DOCK4: variants seen among roughly 807,000 people sequenced by gnomAD.
DOCK4 encodes dedicator of cytokinesis 4.
In DOCK4, 97 loss-of-function variants were observed where a neutral mutation model predicts 268.1. That is an observed-to-expected ratio of 0.36 (90% CI 0.31 to 0.43). DOCK4 has a LOEUF of 0.43. Among genes scored for constraint, DOCK4 ranks in the 20% least tolerant of loss-of-function variants. DOCK4 has a pLI of 1.00. For missense variants in DOCK4, 2,145 were observed against 2,455.7 expected, an observed-to-expected ratio of 0.87 and a Z score of 2.67; for synonymous variants, 954 against 887.2, an observed-to-expected ratio of 1.08 and a Z score of -1.34.
intron 1 of DOCK4, among the ~76,000 whole-genome samples, chr7:112,025,547 C>T (rs1447229222): frequency 6.6e-6 from 1 of 152,132 alleles, no homozygotes; most frequent in Non-Finnish European, 1.5e-5. Flanking sequence ...TAGCTCCTGC[C>T]TCTCAGCCCC....
intron 41 of DOCK4, among the ~76,000 whole-genome samples, chr7:111,757,024 T>A (rs1290873926): frequency 1.3e-5 from 2 of 151,028 alleles, no homozygotes; most frequent in Non-Finnish European, 3.0e-5. Context: ...TGAGTAGGAG[T>A]TTGCCAGGAG....
At chr7:111,733,865 C>G (rs1045730379) in intron 51 of DOCK4, among the ~76,000 whole-genome samples, 1 of 152,090 alleles carries the variant, frequency 6.6e-6, no homozygotes, top group Non-Finnish European at 1.5e-5. Flanking sequence ...TCTTTGAAGA[C>G]CTCATATGTC....
chr7:111,975,601 G>C (rs756213620), intron 8 of DOCK4, among the ~76,000 whole-genome samples: 1 of 152,088 alleles, frequency 6.6e-6, no homozygotes, highest in African/African-American at 2.4e-5. Flanking sequence ...AGTGTAGAAA[G>C]TAGATTCTAA....
chr7:112,085,831 C>A (rs904225319), intron 1 of DOCK4, among the ~76,000 whole-genome samples: 1 of 151,836 alleles, frequency 6.6e-6, no homozygotes, highest in Admixed American at 6.6e-5. Flanking sequence ...CACAGGCAGA[C>A]AACAAGTCTC....
chr7:111,933,099 CAT>C lies in DOCK4; in HGVS notation c.1066+2439_1066+2440del, dbSNP rs373606874. ...ATACACATATATATACGTATATACA[CAT>C]ATATATACGTATATACACATATATA... On this transcript the variant is annotated intron_variant, in intron 12 of 52. Transcript: ENST00000428084. 1.0e-4 allele frequency among the ~76,000 whole-genome samples: 14 copies of C among 137,172 alleles called. No individual in the cohort carries two copies. In the East Asian group the frequency reaches 1.3e-3, roughly 13 times the overall value. The allele number at this position is 137,172 out of a possible 152,430, so 90.0% of individuals were successfully genotyped here. A position where few individuals can be genotyped will look rare whatever the true frequency, so the allele number is the denominator to read the frequency against.
At chr7:111,928,634 C>T (rs1424079481) in intron 12 of DOCK4, among the ~76,000 whole-genome samples, 6 of 146,460 alleles carry the variant, frequency 4.1e-5, no homozygotes, top group African/African-American at 1.5e-4. Flanking sequence ...GTCACCTAGG[C>T]TGGAGTACAG....
At chr7:112,081,302 A>C (rs1289984227) in intron 1 of DOCK4, among the ~76,000 whole-genome samples, 1 of 152,166 alleles carries the variant, frequency 6.6e-6, no homozygotes, top group Non-Finnish European at 1.5e-5. Context: ...CAGGGCTCTA[A>C]GACACTATTT....
intron 28 of DOCK4, 124 bp from the exon 29 acceptor site, chr7:111,809,525 G>C: frequency 2.8e-6 from 2 of 721,188 alleles, no homozygotes; most frequent in Non-Finnish European, 4.7e-6. Flanking sequence ...GACTGACCAT[G>C]AGTTGATAAT....
At chr7:111,902,290 T>A (rs1320503439) in intron 13 of DOCK4, among the ~76,000 whole-genome samples, 4 of 152,224 alleles carry the variant, frequency 2.6e-5, no homozygotes. Flanking sequence ...ATCTCACTGC[T>A]GGAAGAATCC....
chr7:111,844,111 T>A (rs1803904035), intron 25 of DOCK4, among the ~76,000 whole-genome samples: 1 of 152,006 alleles, frequency 6.6e-6, no homozygotes, highest in Admixed American at 6.6e-5. Flanking sequence ...TCTGTCTGTA[T>A]TAAAAATACA....
intron 1 of DOCK4, among the ~76,000 whole-genome samples, chr7:112,015,131 A>G (rs188449597): frequency 6.6e-6 from 1 of 152,304 alleles, no homozygotes; most frequent in Non-Finnish European, 1.5e-5. Context: ...AAGATGTGGT[A>G]AAGAACTGAA....
chr7:112,112,758 A>T (rs887012809), intron 1 of DOCK4, among the ~76,000 whole-genome samples: 1 of 152,198 alleles, frequency 6.6e-6, no homozygotes, highest in African/African-American at 2.4e-5. Flanking sequence ...ATTTCTTTAT[A>T]GCAAAGAAAC....
At chr7:111,851,046 T>C (rs77768752) in intron 23 of DOCK4, among the ~76,000 whole-genome samples, 28,364 of 151,952 alleles carry the variant, frequency 0.19, 3,147 homozygotes, top group African/African-American at 0.31. Flanking sequence ...TGGATACACA[T>C]ATGTTAAAAA....
chr7:112,180,810 G>A (rs904117256), intron 1 of DOCK4, among the ~76,000 whole-genome samples: 1 of 152,174 alleles, frequency 6.6e-6, no homozygotes, highest in African/African-American at 2.4e-5. Context: ...GTATTAAAGG[G>A]CTGTAAGTAG....
chr7:111,776,667 A>G (rs1423060632), intron 36 of DOCK4, among the ~76,000 whole-genome samples: 3 of 152,220 alleles, frequency 2.0e-5, no homozygotes, highest in Non-Finnish European at 4.4e-5. Context: ...TAAAGGAAAT[A>G]AATGTACAGA....
chr7:111,782,195 ATAGT>A (rs1798827349), intron 35 of DOCK4, among the ~76,000 whole-genome samples: 2 of 152,180 alleles, frequency 1.3e-5, no homozygotes, highest in Admixed American at 1.3e-4. Context: ...ATTCTATTTA[ATAGT>A]TAGTTATGTG....
intron 23 of DOCK4, among the ~76,000 whole-genome samples, chr7:111,849,179 G>T (rs1447312281): frequency 6.6e-6 from 1 of 151,828 alleles, no homozygotes; most frequent in African/African-American, 2.4e-5. Flanking sequence ...TGTTCAGAAT[G>T]CCAAGGACCT....
At chr7:111,773,096 G>C (rs1482737143) in intron 36 of DOCK4, among the ~76,000 whole-genome samples, 1 of 152,226 alleles carries the variant, frequency 6.6e-6, no homozygotes, top group African/African-American at 2.4e-5. Context: ...GGAGGCAGTA[G>C]TAAATTTTTA....
chr7:112,067,134 G>A (rs1043317230), intron 1 of DOCK4, among the ~76,000 whole-genome samples: 3 of 150,794 alleles, frequency 2.0e-5, no homozygotes, highest in East Asian at 2.0e-4. Context: ...AGCCAAGATC[G>A]TGCCACTGCA....
Sources: gnomAD v4.1 joint callset for allele counts (sites outside exome capture counted in the v4.1 genomes callset) on GRCh38, gnomAD v4.1.1 for gene constraint, MANE v1.5 for transcripts, NCBI Gene and HGNC (gene_info 2026-07-23, HGNC 2026-07-21) for gene names.